Variants in UNC79 observed in about 807,000 individuals in gnomAD.
UNC79 encodes protein unc-79 homolog.
Under a neutral mutation model 283.1 loss-of-function variants are expected in UNC79, and 37 were observed. The ratio of observed to expected loss-of-function variants is 0.13; its 90% CI spans 0.10 to 0.17. The LOEUF is 0.17. Among genes scored for constraint, UNC79 ranks in the 10% least tolerant of loss-of-function variants. UNC79 has a pLI of 1.00. For synonymous variants in UNC79, 1,107 were observed against 1,200.2 expected (o/e 0.92, Z 1.61); for missense variants, 2,272 against 3,211.1 (o/e 0.71, Z 7.07).
rs1596249724 is a variant in UNC79, at chr14:93,653,683, T to G, written c.6084-59T>G. On this transcript the variant is annotated intron_variant, in intron 35 of 48. Transcript: ENST00000555664. ...CAAATGTCTGAACTCTAAGTAAATA[T>G]CTGAACACCTGCTCACTGGCCCATG... 15 of 1,489,910 alleles carry G rather than the reference T, an allele frequency of 1.0e-5. No individual in the cohort carries two copies. The East Asian group carries it at 2.3e-4, about 23-fold the overall frequency. 92.3% of individuals were successfully genotyped at this position (1,489,910 alleles called of 1,614,324 possible). A position where few individuals can be genotyped will look rare whatever the true frequency, so the allele number is the denominator to read the frequency against.
At chr14:93,593,276 G>A (rs2064825543) in intron 22 of UNC79, among the ~76,000 whole-genome samples, 1 of 152,116 alleles carries the variant, frequency 6.6e-6, no homozygotes, top group Non-Finnish European at 1.5e-5. Context: ...GTTGTTCTTT[G>A]ACATCATAAG....
chr14:93,464,708 G>C (rs1275033532), intron 1 of UNC79: 1 of 415,598 alleles, frequency 2.4e-6, no homozygotes. Flanking sequence ...CTTAGGGTCA[G>C]TTGAGGTTGA....
intron 22 of UNC79, among the ~76,000 whole-genome samples, chr14:93,589,530 G>A (rs1004512578): frequency 6.6e-6 from 1 of 152,096 alleles, no homozygotes; most frequent in Non-Finnish European, 1.5e-5. Flanking sequence ...GGATGAGGAG[G>A]TGTGAATGAG....
chr14:93,503,618 T>C (rs1351690008), intron 7 of UNC79, among the ~76,000 whole-genome samples: 3 of 152,074 alleles, frequency 2.0e-5, no homozygotes, highest in South Asian at 2.1e-4. Context: ...TGTAGAAGTA[T>C]CTTATGATTA....
chr14:93,420,884 A>G (rs1218420047), intron 1 of UNC79, among the ~76,000 whole-genome samples: 1 of 151,776 alleles, frequency 6.6e-6, no homozygotes, highest in Admixed American at 6.6e-5. Flanking sequence ...TTAAGAAGGA[A>G]ATGGAAAATT....
chr14:93,584,867 T>TC (rs1443885162), intron 20 of UNC79, among the ~76,000 whole-genome samples: 1 of 151,708 alleles, frequency 6.6e-6, no homozygotes, highest in East Asian at 1.9e-4. Context: ...GGCTAAGTTT[T>TC]TTTTTTTTTT....
At chr14:93,519,790 A>G (rs1363343087) in intron 7 of UNC79, among the ~76,000 whole-genome samples, 1 of 151,860 alleles carries the variant, frequency 6.6e-6, no homozygotes, top group Non-Finnish European at 1.5e-5. Context: ...ATCAGTTTAC[A>G]TATAATGTAA....
At chr14:93,372,739 C>T (rs1189606311) in intron 1 of UNC79, among the ~76,000 whole-genome samples, 19 of 152,182 alleles carry the variant, frequency 1.2e-4, no homozygotes, top group Admixed American at 1.2e-3. Context: ...CAATACCCTT[C>T]TTAAAATGGA....
intron 1 of UNC79, among the ~76,000 whole-genome samples, chr14:93,382,298 A>G (rs2054680025): frequency 6.6e-6 from 1 of 152,176 alleles, no homozygotes; most frequent in African/African-American, 2.4e-5. Flanking sequence ...AGAAGAAAAG[A>G]ACACTATTTT....
chr14:93,487,647 G>T lies in UNC79; in HGVS notation c.620-16G>T. Reference sequence around the variant, plus strand: ...AGAGATTAAATTGTGTCTAATCAAAGAACTTTTGGTTGCAGTGGGCTCCTC... The same window carrying T: ...AGAGATTAAATTGTGTCTAATCAAATAACTTTTGGTTGCAGTGGGCTCCTC... On this transcript the variant is annotated splice_polypyrimidine_tract_variant and intron_variant, in intron 4 of 48. Coordinates refer to ENST00000555664, the Ensembl canonical transcript of UNC79. 3 of 1,611,196 alleles carry T rather than the reference G, an allele frequency of 1.9e-6. No homozygotes were observed. Among genetic ancestry groups the T allele is most frequent in the African/African-American group, 1.3e-5 (1 of 74,928 alleles).
At chr14:93,457,995 TAAA>T (rs1490469781) in intron 1 of UNC79, among the ~76,000 whole-genome samples, 6 of 152,090 alleles carry the variant, frequency 3.9e-5, no homozygotes, top group Non-Finnish European at 8.8e-5. Context: ...GAGAAAAAAA[TAAA>T]AAGGTTTCAG....
At chr14:93,559,484 AAG>A (rs1403266101) in intron 14 of UNC79, among the ~76,000 whole-genome samples, 2 of 152,164 alleles carry the variant, frequency 1.3e-5, no homozygotes, top group African/African-American at 4.8e-5. Flanking sequence ...TGAGTCCAAA[AAG>A]AGAGTCAGCA....
intron 24 of UNC79, among the ~76,000 whole-genome samples, chr14:93,598,545 A>G (rs112114181): frequency 0.017 from 2,593 of 152,226 alleles, 76 homozygotes; most frequent in African/African-American, 0.059. Context: ...GTTTTGAGAT[A>G]GAGTCTCATT....
At chr14:93,572,955 A>G in intron 16 of UNC79, 139 bp downstream of exon 16, 3 of 1,014,710 alleles carry the variant, frequency 3.0e-6, no homozygotes, top group Admixed American at 6.3e-5. Context: ...TCTCCTATGC[A>G]TAGATAAATG....
At chr14:93,530,914 A>T (rs963952905) in intron 10 of UNC79, among the ~76,000 whole-genome samples, 2 of 152,212 alleles carry the variant, frequency 1.3e-5, no homozygotes, top group African/African-American at 2.4e-5. Flanking sequence ...GTCTCAGAAA[A>T]AAAACAAAAC....
At chr14:93,679,815 A>G (rs2073689498) in intron 41 of UNC79, among the ~76,000 whole-genome samples, 1 of 152,176 alleles carries the variant, frequency 6.6e-6, no homozygotes, top group Non-Finnish European at 1.5e-5. Flanking sequence ...TCAGTGCCCG[A>G]TTTCCCTCAA....
At position 93,494,839 on chromosome 14, in the gene UNC79, A is replaced by G. The variant is rs547032860; in HGVS notation, c.713-1572A>G. ...GTATAAACACATTGGTTGTTTACTT[A>G]ATAGGAAGTCCTGAAGATAGCTCCA... On this transcript the variant is annotated intron_variant, in intron 5 of 48. Transcript: ENST00000555664. 3.9e-4 allele frequency among the ~76,000 whole-genome samples: 59 copies of G among 152,340 alleles called. 3 individuals are homozygous for G. In the South Asian group the frequency reaches 0.012, roughly 32 times the overall value.
chr14:93,517,780 T>C (rs2060134919), intron 7 of UNC79, among the ~76,000 whole-genome samples: 1 of 152,098 alleles, frequency 6.6e-6, no homozygotes, highest in African/African-American at 2.4e-5. Context: ...TTTTTAATTT[T>C]GGTTATTATA....
At chr14:93,395,305 A>C (rs2054971426) in intron 1 of UNC79, among the ~76,000 whole-genome samples, 1 of 152,170 alleles carries the variant, frequency 6.6e-6, no homozygotes, top group Non-Finnish European at 1.5e-5. Context: ...ATAAAAAACT[A>C]TTGTAGACTA....
Sources: allele counts gnomAD v4.1 joint callset (sites outside exome capture counted in the v4.1 genomes callset), GRCh38; gene constraint gnomAD v4.1.1; transcripts MANE v1.5; gene names NCBI Gene and HGNC (gene_info 2026-07-23, HGNC 2026-07-21).